The following UBE2E2 variants were observed in gnomAD, a reference collection of about 807,000 sequenced individuals.
UBE2E2 encodes the protein ubiquitin conjugating enzyme E2 E2.
Under a neutral mutation model 24.7 loss-of-function variants are expected in UBE2E2, and 6 were observed. The observed-to-expected ratio is 0.24, with a 90% CI of 0.13 to 0.48. The LOEUF (loss-of-function observed/expected upper bound fraction) is 0.48, where lower values mean the gene tolerates loss of function less well. Ranked by LOEUF, UBE2E2 falls within the 20% of genes least tolerant of loss-of-function variation. UBE2E2 has a pLI of 0.99. For synonymous variants in UBE2E2, 104 were observed against 83.6 expected (o/e 1.24, Z -1.33); for missense variants, 169 against 245.0 (o/e 0.69, Z 2.07).
chr3:23,314,855 T>C (rs935448544), intron 3 of UBE2E2, among the ~76,000 whole-genome samples: 4 of 152,234 alleles, frequency 2.6e-5, no homozygotes, highest in African/African-American at 9.6e-5. Flanking sequence ...CTTGTTTGTT[T>C]TCTCTCACTC....
chr3:23,274,511 A>G (rs910176348), intron 3 of UBE2E2, among the ~76,000 whole-genome samples: 4 of 150,686 alleles, frequency 2.7e-5, no homozygotes, highest in Admixed American at 2.6e-4. Context: ...GCGCACCACC[A>G]TGCCTGGCTA....
intron 3 of UBE2E2, among the ~76,000 whole-genome samples, chr3:23,320,742 T>C (rs1694717442): frequency 6.6e-6 from 1 of 152,182 alleles, no homozygotes; most frequent in Non-Finnish European, 1.5e-5. Context: ...TACTAGGGAT[T>C]ATTGTGGCTT....
chr3:23,232,794 C>T (rs867609961), intron 3 of UBE2E2, among the ~76,000 whole-genome samples: 5 of 152,182 alleles, frequency 3.3e-5, no homozygotes, highest in East Asian at 1.9e-4. Context: ...TTAAAAACTT[C>T]GTCCAATCCT....
At chr3:23,401,325 T>C (rs1697216299) in intron 3 of UBE2E2, among the ~76,000 whole-genome samples, 1 of 152,224 alleles carries the variant, frequency 6.6e-6, no homozygotes, top group Non-Finnish European at 1.5e-5. Flanking sequence ...AAGAATAATG[T>C]AGCAGCTACT....
At chr3:23,303,951 C>T (rs1699175810) in intron 3 of UBE2E2, among the ~76,000 whole-genome samples, 1 of 152,160 alleles carries the variant, frequency 6.6e-6, no homozygotes, top group South Asian at 2.1e-4. Flanking sequence ...GAATTCTCTC[C>T]ATAGAGTGTA....
intron 3 of UBE2E2, among the ~76,000 whole-genome samples, chr3:23,391,460 TG>T (rs1696933264): frequency 6.6e-6 from 1 of 152,200 alleles, no homozygotes; most frequent in Non-Finnish European, 1.5e-5. Flanking sequence ...GATACAGGCA[TG>T]ATGCAAACAT....
chr3:23,287,108 G>A (rs1420024182), intron 3 of UBE2E2, among the ~76,000 whole-genome samples: 3 of 151,918 alleles, frequency 2.0e-5, no homozygotes, highest in African/African-American at 7.3e-5. Context: ...TATTCCTTCT[G>A]TACTCAGTTT....
intron 3 of UBE2E2, among the ~76,000 whole-genome samples, chr3:23,328,674 T>TTG (rs952843247): frequency 2.0e-5 from 3 of 151,908 alleles, no homozygotes; most frequent in Non-Finnish European, 4.4e-5. Context: ...TTTTTTTTTT[T>TTG]TGTTTTGAGA....
chr3:23,309,046 T>C (rs1218919214), intron 3 of UBE2E2, among the ~76,000 whole-genome samples: 1 of 152,240 alleles, frequency 6.6e-6, no homozygotes, highest in Non-Finnish European at 1.5e-5. Flanking sequence ...TTCTGTCTGC[T>C]TTGTTTTAGC....
intron 4 of UBE2E2, among the ~76,000 whole-genome samples, chr3:23,519,405 T>C (rs1694811078): frequency 6.6e-6 from 1 of 152,206 alleles, no homozygotes; most frequent in African/African-American, 2.4e-5. Context: ...CCCTTTTTTA[T>C]TTTTCAAGTA....
intron 3 of UBE2E2, among the ~76,000 whole-genome samples, chr3:23,349,623 G>A (rs911428912): frequency 7.9e-5 from 12 of 152,174 alleles, no homozygotes; most frequent in South Asian, 2.1e-4. Flanking sequence ...ACGGAATCTC[G>A]CTGATTGCTA....
At chr3:23,571,057 T>A (rs768983793) in intron 5 of UBE2E2, among the ~76,000 whole-genome samples, 1 of 152,050 alleles carries the variant, frequency 6.6e-6, no homozygotes, top group Admixed American at 6.6e-5. Context: ...TTTCCCACCA[T>A]GCACATAGAC....
At chr3:23,334,168 G>C (rs1447224419) in intron 3 of UBE2E2, among the ~76,000 whole-genome samples, 15 of 152,136 alleles carry the variant, frequency 9.9e-5, no homozygotes, top group Non-Finnish European at 2.1e-4. Context: ...TGTGGTTTTT[G>C]CCATTAAAAG....
chr3:23,439,641 T>C (rs1698257075), intron 3 of UBE2E2, among the ~76,000 whole-genome samples: 1 of 152,192 alleles, frequency 6.6e-6, no homozygotes, highest in South Asian at 2.1e-4. Flanking sequence ...TGAGCAGCTG[T>C]CTCCATCCCA....
intron 3 of UBE2E2, among the ~76,000 whole-genome samples, chr3:23,222,029 T>A (rs1045832709): frequency 1.3e-5 from 2 of 152,012 alleles, no homozygotes; most frequent in African/African-American, 2.4e-5. Context: ...TGGCCTCTGG[T>A]AACTACCAGT....
At chr3:23,299,981 A>C (rs1453661116) in intron 3 of UBE2E2, among the ~76,000 whole-genome samples, 1 of 152,054 alleles carries the variant, frequency 6.6e-6, no homozygotes, top group Non-Finnish European at 1.5e-5. Context: ...TATTGGGTGC[A>C]TATATATTTA....
intron 3 of UBE2E2, among the ~76,000 whole-genome samples, chr3:23,352,641 G>T (rs1695790681): frequency 1.3e-5 from 2 of 152,102 alleles, no homozygotes; most frequent in South Asian, 4.1e-4. Flanking sequence ...TAGAAGAAAT[G>T]GATAAATTCC....
chr3:23,569,242 C>G (rs958266793), intron 5 of UBE2E2, among the ~76,000 whole-genome samples: 2 of 152,094 alleles, frequency 1.3e-5, no homozygotes, highest in African/African-American at 2.4e-5. Flanking sequence ...CATATTATTC[C>G]ATTTAGGAAA....
intron 3 of UBE2E2, among the ~76,000 whole-genome samples, chr3:23,374,295 T>C (rs1457184520): frequency 1.3e-5 from 2 of 152,230 alleles, no homozygotes; most frequent in Non-Finnish European, 2.9e-5. Flanking sequence ...AACAGAGATA[T>C]TGGTTTTAGG....
Sources: allele counts gnomAD v4.1 joint callset (sites outside exome capture counted in the v4.1 genomes callset), GRCh38; gene constraint gnomAD v4.1.1; transcripts MANE v1.5; gene names NCBI Gene and HGNC (gene_info 2026-07-23, HGNC 2026-07-21).